DNAJC13: variants seen among roughly 807,000 people sequenced by gnomAD.
DNAJC13 encodes dnaJ homolog subfamily C member 13.
In DNAJC13, 75 loss-of-function variants were observed where a neutral mutation model predicts 290.5. That is an observed-to-expected ratio of 0.26 (90% CI 0.21 to 0.31). The LOEUF is 0.31. Among genes scored for constraint, DNAJC13 ranks in the 10% least tolerant of loss-of-function variants. DNAJC13 has a pLI of 1.00. For missense variants in DNAJC13, 2,260 were observed against 2,674.5 expected (o/e 0.85, Z 3.42); for synonymous variants, 862 against 892.0 (o/e 0.97, Z 0.60).
chr3:132,517,237 A>G (rs1240498562), intron 48 of DNAJC13, among the ~76,000 whole-genome samples: 2 of 152,332 alleles, frequency 1.3e-5, no homozygotes, highest in Non-Finnish European at 2.9e-5. Flanking sequence ...GTGAATTCAT[A>G]TAGGGGCATG....
Position 132,494,279 on chromosome 3 carries a change from A to G in DNAJC13, c.3941+20A>G, listed in dbSNP as rs1429369102. On this transcript the variant is annotated intron_variant, in intron 34 of 55. Coordinates refer to ENST00000260818, the MANE Select transcript of DNAJC13 (RefSeq NM_015268.4). The stretch of plus-strand genomic sequence containing the variant: ...GGGACCGTGAGTTGTTTTCAGTACA[A>G]TAGCAAATGTCTGTCCCACCTTAAA... 4.5e-6 allele frequency: 7 copies of G among 1,539,468 alleles called. No homozygotes were observed. Among genetic ancestry groups the G allele is most frequent in the African/African-American group, 1.4e-5 (1 of 73,470 alleles).
chr3:132,441,516 T>G (rs187521916), intron 2 of DNAJC13, among the ~76,000 whole-genome samples: 1 of 152,304 alleles, frequency 6.6e-6, no homozygotes, highest in Admixed American at 6.5e-5. Context: ...TGGCGTAGAT[T>G]CTCCACTGAA....
chr3:132,516,422 G>A lies in DNAJC13; in HGVS notation c.5486G>A (p.Ser1829Asn). Residue 1829 changes from serine (S) to asparagine (N), a missense_variant and splice_region_variant, in exon 47 of 56, where the codon AGT (serine) becomes AAT (asparagine). Physicochemically the swap from Ser to Asn is conservative, Grantham distance 46. Around this residue, in one of 3 missense-constraint regions of DNAJC13, gnomAD observed 1,494 missense variants for 1,693.7 expected, o/e 0.88. Transcript: ENST00000260818. ...LLALLHSLPS[S>N]RQLVLETLYA... ...CCTTGAAATGTCTTTTACTCTGCAG[G>A]TCGTCAGCTTGTTCTGGAAACTCTT... 1 of 1,613,616 alleles carries A rather than the reference G, an allele frequency of 6.2e-7. No homozygotes were observed.
At chr3:132,471,306 C>T (rs1230872929) in intron 20 of DNAJC13, among the ~76,000 whole-genome samples, 2 of 142,946 alleles carry the variant, frequency 1.4e-5, no homozygotes, top group Admixed American at 6.9e-5. Flanking sequence ...GACCCCCCAC[C>T]TCCCTCCCGG....
Position 132,465,951 on chromosome 3 carries a change from C to T in DNAJC13, c.1893-44C>T. 4.3e-6 allele frequency: 6 copies of T among 1,400,816 alleles called. No individual in the cohort carries two copies. The South Asian group carries it at 7.1e-5, about 17-fold the overall frequency. 86.8% of individuals were successfully genotyped at this position (1,400,816 alleles called of 1,614,324 possible). Reference sequence around the variant, plus strand: ...TCTTAAAAATTCCTTTCTGTTCTAGCTGAGATAAAGCAGCAAACCTTTCTC... The same window carrying T: ...TCTTAAAAATTCCTTTCTGTTCTAGTTGAGATAAAGCAGCAAACCTTTCTC... On this transcript the variant is annotated intron_variant, in intron 17 of 55. Coordinates refer to ENST00000260818, the MANE Select transcript of DNAJC13 (RefSeq NM_015268.4).
intron 22 of DNAJC13, among the ~76,000 whole-genome samples, chr3:132,477,340 G>A (rs925694384): frequency 2.0e-5 from 3 of 152,120 alleles, no homozygotes; most frequent in Non-Finnish European, 4.4e-5. Flanking sequence ...TAGTAACATG[G>A]GGTGATTTGA....
At chr3:132,439,504 A>C (rs557401092) in intron 2 of DNAJC13, among the ~76,000 whole-genome samples, 8 of 150,508 alleles carry the variant, frequency 5.3e-5, no homozygotes, top group African/African-American at 2.0e-4. Context: ...GCTGTCCTTA[A>C]TTCTTTTGTG....
chr3:132,484,333 A>G (rs972305929), intron 28 of DNAJC13: 2 of 528,928 alleles, frequency 3.8e-6, no homozygotes, highest in African/African-American at 1.9e-5. Context: ...AATCAATTAA[A>G]TAATAAATAA....
In DNAJC13 at chr3:132,510,261, A is replaced by G. The variant is rs147914865; in HGVS notation, c.5116-806A>G. On this transcript the variant is annotated intron_variant, in intron 43 of 55. Coordinates refer to ENST00000260818, the MANE Select transcript of DNAJC13 (RefSeq NM_015268.4). Reference sequence around the variant, plus strand: ...AGGAGAAAATATAGGTTGAAAATAAAGATTTTTTTAGAAGATGACTGGAGT... The same window carrying G: ...AGGAGAAAATATAGGTTGAAAATAAGGATTTTTTTAGAAGATGACTGGAGT... 2.4e-3 allele frequency among the ~76,000 whole-genome samples: 364 copies of G among 152,278 alleles called. 2 individuals are homozygous for G. Among genetic ancestry groups the G allele is most frequent in the African/African-American group, 8.3e-3 (345 of 41,544 alleles).
At chr3:132,530,957 T>G (rs780332598) in intron 54 of DNAJC13, 41 bp from the exon 55 acceptor site, 14 of 1,565,968 alleles carry the variant, frequency 8.9e-6, no homozygotes, top group Admixed American at 1.7e-5. Flanking sequence ...CAACATCCAG[T>G]CCTTGATTTT....
chr3:132,499,071 C>A, intron 36 of DNAJC13, 55 bp from the exon 37 acceptor site: 1 of 1,440,504 alleles, frequency 6.9e-7, no homozygotes, highest in Non-Finnish European at 9.4e-7. Context: ...AAATTGAAAC[C>A]ACAACATAAT....
intron 9 of DNAJC13, among the ~76,000 whole-genome samples, chr3:132,455,810 C>T (rs991076138): frequency 9.9e-5 from 15 of 152,216 alleles, no homozygotes; most frequent in Admixed American, 6.5e-5. Context: ...TCAGTGGTTT[C>T]CTGGGGCTGG....
At chr3:132,443,161 C>CT (rs910709858) in intron 2 of DNAJC13, among the ~76,000 whole-genome samples, 11 of 151,884 alleles carry the variant, frequency 7.2e-5, no homozygotes, top group Non-Finnish European at 1.3e-4. Context: ...AGATAAAAAT[C>CT]TTTTTTTTAT....
In DNAJC13 at chr3:132,447,512, CTT is replaced by C. The variant is rs758914208; in HGVS notation, c.294+46_294+47del. 317 of 1,487,736 alleles carry C rather than the reference CTT, an allele frequency of 2.1e-4. 1 individual carries two copies. The highest frequency in any genetic ancestry group is 2.7e-4 in the Non-Finnish European group (305 of 1,122,306). The allele number at this position is 1,487,736 out of a possible 1,614,324, so 92.2% of individuals were successfully genotyped here. ...TTCATAAATAAAATTTCTTTCTTCT[CTT>C]TTTAAAATGAAGTAGTTACATAGAA... is the stretch of plus-strand genomic sequence containing the variant. On this transcript the variant is annotated intron_variant, in intron 4 of 55. Coordinates refer to ENST00000260818, the MANE Select transcript of DNAJC13 (RefSeq NM_015268.4).
intron 20 of DNAJC13, among the ~76,000 whole-genome samples, chr3:132,472,240 G>C (rs898847145): frequency 3.9e-5 from 6 of 152,238 alleles, no homozygotes; most frequent in African/African-American, 7.2e-5. Flanking sequence ...GAGGGAGACA[G>C]AGGGAGAGGG....
Position 132,466,284 on chromosome 3 carries a change from A to G in DNAJC13, c.1969-15A>G. On this transcript the variant is annotated splice_polypyrimidine_tract_variant and intron_variant, in intron 18 of 55. Coordinates refer to ENST00000260818, the MANE Select transcript of DNAJC13 (RefSeq NM_015268.4). ...CTTTTTCACATTGTTTTGAAAATGG[A>G]TTTTGTGTTTTTAGCCGCCAGGCTT... 1 of 1,572,512 alleles carries G rather than the reference A, an allele frequency of 6.4e-7. No homozygotes were observed. The highest frequency in any genetic ancestry group is 8.6e-7 in the Non-Finnish European group (1 of 1,165,444).
At chr3:132,436,933 T>C (rs1429130670) in intron 2 of DNAJC13, among the ~76,000 whole-genome samples, 1 of 151,704 alleles carries the variant, frequency 6.6e-6, no homozygotes, top group Non-Finnish European at 1.5e-5. Flanking sequence ...TTGCCCAGGC[T>C]GGAGTGCTGA....
chr3:132,522,886 A>G lies in DNAJC13; in HGVS notation c.5732A>G (p.Asn1911Ser), dbSNP rs750366444. Residue 1911 changes from asparagine to serine, a missense_variant, in exon 49 of 56, where the codon AAT (asparagine) becomes AGT (serine). Around this residue, in one of 3 missense-constraint regions of DNAJC13, gnomAD observed 1,494 missense variants for 1,693.7 expected, o/e 0.88. Coordinates refer to ENST00000260818, the MANE Select transcript of DNAJC13 (RefSeq NM_015268.4). ...PSVFMDAMRDNPEAAVHIFEG... is the reference protein window; with the variant it reads ...PSVFMDAMRDSPEAAVHIFEG... ...GTTTTCATGGATGCTATGAGAGACA[A>G]TCCTGAAGCTGCTGTACATATTTTT... is the stretch of plus-strand genomic sequence containing the variant. The G allele has an allele frequency of 5.0e-6, 8 of 1,613,530 alleles. No individual in the cohort carries two copies. The highest frequency in any genetic ancestry group is 2.7e-5 in the African/African-American group (2 of 74,916).
chr3:132,487,559 A>ATTTTTTTTTTTTTTTTTTTTTTTTTTTT (rs10663131), intron 29 of DNAJC13, among the ~76,000 whole-genome samples: 11 of 110,446 alleles, frequency 1.0e-4, no homozygotes, highest in African/African-American at 4.8e-4. Flanking sequence ...CCTGGCTGTA[A>ATTTTTTTTTTTTTTTTTTTTTTTTTTTT]TTTTTTTTTT....
Sources: allele counts gnomAD v4.1 joint callset (sites outside exome capture counted in the v4.1 genomes callset), GRCh38; gene constraint gnomAD v4.1.1; regional missense constraint gnomAD v4.1.1; transcripts MANE v1.5; gene names NCBI Gene and HGNC (gene_info 2026-07-23, HGNC 2026-07-21).